Variants in SCUBE1 observed in about 807,000 individuals in gnomAD.
SCUBE1 encodes signal peptide, CUB and EGF-like domain-containing protein 1.
Under a neutral mutation model 124.4 loss-of-function variants are expected in SCUBE1, and 59 were observed. The ratio of observed to expected loss-of-function variants is 0.47; its 90% CI spans 0.38 to 0.59. The LOEUF is 0.59. Ranked by LOEUF, SCUBE1 falls within the 20% of genes least tolerant of loss-of-function variation. SCUBE1 has a pLI of 0.00. For missense variants in SCUBE1, 1,150 were observed against 1,371.2 expected, an observed-to-expected ratio of 0.84 and a Z score of 2.55; for synonymous variants, 545 against 550.9, an observed-to-expected ratio of 0.99 and a Z score of 0.15.
intron 4 of SCUBE1, among the ~76,000 whole-genome samples, chr22:43,286,095 G>C (rs1304423661): frequency 2.0e-5 from 3 of 152,202 alleles, no homozygotes; most frequent in Non-Finnish European, 4.4e-5. Context: ...GGGGCCCTGG[G>C]CCAGGCCCTG....
chr22:43,307,527 C>T (rs537610352), intron 3 of SCUBE1, among the ~76,000 whole-genome samples: 2 of 152,314 alleles, frequency 1.3e-5, no homozygotes, highest in East Asian at 3.9e-4. Flanking sequence ...GCCACTGTCC[C>T]TGGGGCCAAT....
chr22:43,311,622 T>TCAC (rs1926173882), intron 3 of SCUBE1, among the ~76,000 whole-genome samples: 1 of 151,918 alleles, frequency 6.6e-6, no homozygotes, highest in Non-Finnish European at 1.5e-5. Context: ...AAACGGTGTT[T>TCAC]CACCATGTTG....
At chr22:43,318,757 T>A (rs1247588328) in intron 3 of SCUBE1, among the ~76,000 whole-genome samples, 11 of 152,184 alleles carry the variant, frequency 7.2e-5, no homozygotes, top group Non-Finnish European at 5.9e-5. Flanking sequence ...GAGATGGAGT[T>A]TCACTCTTGT....
intron 4 of SCUBE1, among the ~76,000 whole-genome samples, chr22:43,269,325 G>C (rs1924200721): frequency 6.6e-6 from 1 of 152,164 alleles, no homozygotes; most frequent in Non-Finnish European, 1.5e-5. Context: ...TGTGCGCAGA[G>C]AGAAACGATG....
At position 43,202,332 on chromosome 22, in the gene SCUBE1, G is replaced by A. The variant is rs1411082211; in HGVS notation, c.*1665C>T. 1 of 152,224 alleles carries A rather than the reference G, an allele frequency of 6.6e-6. No homozygotes were observed. Among genetic ancestry groups the A allele is most frequent in the Non-Finnish European group, 1.5e-5 (1 of 68,060 alleles). 9.4% of individuals were successfully genotyped at this position (152,224 alleles called of 1,614,324 possible). On this transcript the variant is annotated 3_prime_UTR_variant, in exon 22 of 22. Transcript: ENST00000360835. ...CTCGCCAGCCAGGCTGGGCCCGGGGGTGACCAGGAGGAACCCTAGAGGCAA... is the reference window on the plus strand; with the variant it reads ...CTCGCCAGCCAGGCTGGGCCCGGGGATGACCAGGAGGAACCCTAGAGGCAA...
chr22:43,222,736 T>G lies in SCUBE1; in HGVS notation c.1334A>C (p.Glu445Ala). The G allele has an allele frequency of 1.9e-6, 3 of 1,600,276 alleles. No homozygotes were observed. Among genetic ancestry groups the G allele is most frequent in the Non-Finnish European group, 2.6e-6 (3 of 1,172,932 alleles). The change falls in exon 12 of 22, where the codon GAA becomes GCA. Residue 445 changes from glutamate to alanine, a missense_variant. By Grantham distance (107) the Glu-to-Ala change is moderately radical (BLOSUM62 -1). Around this residue, in one of 3 missense-constraint regions of SCUBE1, gnomAD observed 757 missense variants for 840.9 expected, o/e 0.90. Transcript: ENST00000360835. ...TCCGCAGCTCAGGACGTAGCTATTT[T>G]CCGAGTCTGCAGAGAAGCCGGTGGG... ...PAHTLFVPDS[E>A]NSYVLSCGVP... is the part of the protein sequence containing the mutation.
chr22:43,302,161 G>A (rs148195251), intron 3 of SCUBE1, among the ~76,000 whole-genome samples: 109 of 152,358 alleles, frequency 7.2e-4, no homozygotes, highest in African/African-American at 1.3e-3. Context: ...GAGCTTGTGC[G>A]GAGATCGCGA....
intron 13 of SCUBE1, 72 bp downstream of exon 13, chr22:43,221,101 C>T (rs1400471757): frequency 3.3e-6 from 4 of 1,221,848 alleles, no homozygotes; most frequent in South Asian, 1.2e-5. Flanking sequence ...GACCCTGGGG[C>T]CCCAGCTCCC....
At chr22:43,327,132 C>T (rs962051580) in intron 2 of SCUBE1, among the ~76,000 whole-genome samples, 7 of 152,168 alleles carry the variant, frequency 4.6e-5, no homozygotes, top group African/African-American at 1.7e-4. Flanking sequence ...GACCGACTCT[C>T]ATGACATGTC....
intron 4 of SCUBE1, among the ~76,000 whole-genome samples, chr22:43,288,051 A>G (rs924256036): frequency 2.0e-5 from 3 of 152,188 alleles, no homozygotes; most frequent in African/African-American, 7.2e-5. Flanking sequence ...GAGCAATCTG[A>G]TAAGTTATCT....
chr22:43,244,976 G>A lies in SCUBE1; in HGVS notation c.728-6022C>T, dbSNP rs139216114. On this transcript the variant is annotated intron_variant, in intron 6 of 21. Transcript: ENST00000360835. ...AAGCTGCGGTGAAAAGGGATTGGCC[G>A]GCCCTTCCGGCAGATCTGGGGACCT... 5.4e-3 allele frequency among the ~76,000 whole-genome samples: 819 copies of A among 152,276 alleles called. 10 individuals are homozygous for A. The highest frequency in any genetic ancestry group is 0.019 in the African/African-American group (784 of 41,514).
chr22:43,261,641 T>C lies in SCUBE1; in HGVS notation c.610+1079A>G, dbSNP rs138589082. Among the ~76,000 whole-genome samples, 84 of 152,352 alleles carry C rather than the reference T, an allele frequency of 5.5e-4. 1 individual carries two copies. Among genetic ancestry groups the C allele is most frequent in the Middle Eastern group, 6.8e-3 (2 of 294 alleles). On this transcript the variant is annotated intron_variant, in intron 5 of 21. Coordinates refer to ENST00000360835, the MANE Select transcript of SCUBE1 (RefSeq NM_173050.5). ...GGTGGAAGAACGGTCATTTTCTTTA[T>C]GACAGCGGGGCAGCCTCAGTCTCTC... is the stretch of plus-strand genomic sequence containing the variant.
intron 3 of SCUBE1, among the ~76,000 whole-genome samples, chr22:43,315,612 G>A (rs1926317328): frequency 6.6e-6 from 1 of 152,112 alleles, no homozygotes; most frequent in Non-Finnish European, 1.5e-5. Context: ...GAAAGAGAAA[G>A]CCTGAACAGA....
Position 43,214,143 on chromosome 22 carries a change from G to A in SCUBE1, c.2000C>T (p.Pro667Leu), listed in dbSNP as rs745429822. The A allele has an allele frequency of 1.9e-6, 3 of 1,612,358 alleles. No individual in the cohort carries two copies. The highest frequency in any genetic ancestry group is 2.5e-6 in the Non-Finnish European group (3 of 1,179,814). The change falls in exon 16 of 22, where the codon CCC becomes CTC. Residue 667 changes from proline (P) to leucine (L), a missense_variant. Coordinates refer to ENST00000360835, the MANE Select transcript of SCUBE1 (RefSeq NM_173050.5). ...AGGCAGACCAAGCCCGTCGCTGCTGGGGCACGGTGTGCAACTGAGCTGGCC... is the reference window on the plus strand; with the variant it reads ...AGGCAGACCAAGCCCGTCGCTGCTGAGGCACGGTGTGCAACTGAGCTGGCC... ...MEGQLSCTPC[P>L]SSDGLGLPGA...
Position 43,206,797 on chromosome 22 carries a change from G to A in SCUBE1, c.2814+737C>T, listed in dbSNP as rs1921306555. Among the ~76,000 whole-genome samples, 5 of 152,076 alleles carry A rather than the reference G, an allele frequency of 3.3e-5. No homozygotes were observed. The South Asian group carries it at 1.0e-3, about 32-fold the overall frequency. ...GATGCTCCCAGGGCGGAGCTGGGGGGACAGAGATTGCGGGGAGAGAGCCCA... is the reference window on the plus strand; with the variant it reads ...GATGCTCCCAGGGCGGAGCTGGGGGAACAGAGATTGCGGGGAGAGAGCCCA... On this transcript the variant is annotated intron_variant, in intron 21 of 21. Transcript: ENST00000360835.
chr22:43,206,598 TA>T (rs1921293970), intron 21 of SCUBE1, among the ~76,000 whole-genome samples: 1 of 150,058 alleles, frequency 6.7e-6, no homozygotes, highest in Non-Finnish European at 1.5e-5. Flanking sequence ...CCGCCCAGAG[TA>T]CGACAGGATG....
At chr22:43,318,287 G>C (rs1926421540) in intron 3 of SCUBE1, 1 of 152,248 alleles carries the variant, frequency 6.6e-6, no homozygotes, top group East Asian at 1.9e-4. Context: ...GGGAGGTCGA[G>C]GTGGGCAGAT....
intron 12 of SCUBE1, 50 bp downstream of exon 12, chr22:43,222,588 G>A: frequency 7.4e-7 from 1 of 1,359,936 alleles, no homozygotes; most frequent in Non-Finnish European, 1.0e-6. Flanking sequence ...GTTGCTGGAT[G>A]CAGTCAAGTC....
chr22:43,279,168 A>AG (rs1170925028), intron 4 of SCUBE1, among the ~76,000 whole-genome samples: 2 of 152,170 alleles, frequency 1.3e-5, no homozygotes, highest in African/African-American at 4.8e-5. Context: ...GAGAAACACT[A>AG]GGTCTCTGCT....
Sources: gnomAD v4.1 joint callset for allele counts (sites outside exome capture counted in the v4.1 genomes callset) on GRCh38, gnomAD v4.1.1 for gene constraint, gnomAD v4.1.1 regional missense constraint, MANE v1.5 for transcripts, NCBI Gene and HGNC (gene_info 2026-07-23, HGNC 2026-07-21) for gene names.